KSR2: variants seen among roughly 807,000 people sequenced by gnomAD.
The protein encoded by KSR2 is kinase suppressor of ras 2.
In KSR2, 25 loss-of-function variants were observed where a neutral mutation model predicts 107.8. That is an observed-to-expected ratio of 0.23 (90% CI 0.17 to 0.32). KSR2 has a LOEUF of 0.32. KSR2 is among the 10% of genes least tolerant of loss of function. The pLI, the probability that KSR2 is intolerant of heterozygous loss-of-function variation, is 1.00. For synonymous variants in KSR2, 480 were observed against 507.0 expected, an observed-to-expected ratio of 0.95 and a Z score of 0.71; for missense variants, 887 against 1,268.9, an observed-to-expected ratio of 0.70 and a Z score of 4.57.
At chr12:117,643,561 AGTTT>A in intron 5 of KSR2, among the ~76,000 whole-genome samples, 2 of 152,340 alleles carry the variant, frequency 1.3e-5, no homozygotes, top group South Asian at 4.1e-4. Context: ...TTAAACTAAA[AGTTT>A]GTTTATTAAG....
intron 17 of KSR2, among the ~76,000 whole-genome samples, chr12:117,475,828 G>A (rs1871742327): frequency 6.6e-6 from 1 of 152,182 alleles, no homozygotes. Flanking sequence ...TCTGAGACTA[G>A]ATCATAAATG....
intron 3 of KSR2, among the ~76,000 whole-genome samples, chr12:117,825,624 G>A (rs926899796): frequency 2.0e-5 from 3 of 152,036 alleles, no homozygotes; most frequent in Non-Finnish European, 4.4e-5. Context: ...TTTCTTCACA[G>A]TATTTGTCAG....
At chr12:117,958,576 T>C (rs1896577470) in intron 1 of KSR2, among the ~76,000 whole-genome samples, 1 of 152,040 alleles carries the variant, frequency 6.6e-6, no homozygotes, top group African/African-American at 2.4e-5. Context: ...ATCCCAGCAA[T>C]TTGGGAGGCC....
chr12:117,667,481 G>A lies in KSR2; in HGVS notation c.1164C>T (p.Phe388=). Residue 388 remains phenylalanine (F), a synonymous_variant, in exon 5 of 20, where the codon TTC becomes TTT. Coordinates refer to ENST00000339824, the MANE Select transcript of KSR2 (RefSeq NM_173598.6). ...STPPVHTEAN[F]SANTLSVPRW... is the part of the protein sequence containing the mutation. ...CCCGGCAGGGTGACTTACTTGCAGAGAAGTTGGCCTCAGTGTGAACAGGAG... is the reference window on the plus strand; with the variant it reads ...CCCGGCAGGGTGACTTACTTGCAGAAAAGTTGGCCTCAGTGTGAACAGGAG... The A allele has an allele frequency of 3.1e-6, 5 of 1,610,628 alleles. No individual in the cohort carries two copies. The highest frequency in any genetic ancestry group is 4.2e-6 in the Non-Finnish European group (5 of 1,178,812).
At chr12:117,576,089 A>G (rs2136228190) in intron 7 of KSR2, among the ~76,000 whole-genome samples, 1 of 152,100 alleles carries the variant, frequency 6.6e-6, no homozygotes, top group South Asian at 2.1e-4. Context: ...GGCTTTGCTC[A>G]TGACTTTTAG....
At chr12:117,874,822 A>G (rs542264049) in intron 1 of KSR2, among the ~76,000 whole-genome samples, 11 of 152,200 alleles carry the variant, frequency 7.2e-5, no homozygotes, top group Middle Eastern at 6.8e-3. Flanking sequence ...AGAAGAAGAA[A>G]AAAAAAAACC....
chr12:117,890,811 T>C (rs139668484), intron 1 of KSR2: 15 of 152,316 alleles, frequency 9.8e-5, no homozygotes, highest in African/African-American at 3.6e-4. Flanking sequence ...GGAAATAACA[T>C]TAGACTGGGA....
intron 7 of KSR2, among the ~76,000 whole-genome samples, chr12:117,570,658 C>T (rs981456582): frequency 1.2e-4 from 18 of 152,212 alleles, no homozygotes; most frequent in African/African-American, 2.9e-4. Context: ...GGTTTTGCAA[C>T]GAAATAAATG....
chr12:117,924,968 A>G (rs1432561734), intron 1 of KSR2, among the ~76,000 whole-genome samples: 1 of 152,186 alleles, frequency 6.6e-6, no homozygotes, highest in Non-Finnish European at 1.5e-5. Context: ...ATACTGAAGT[A>G]TTTACAGATA....
rs777501990 is a variant in KSR2, at chr12:117,484,401, C to T, written c.2450+15G>A. 53 of 1,613,466 alleles carry T rather than the reference C, an allele frequency of 3.3e-5. No homozygotes were observed. The highest frequency in any genetic ancestry group is 1.6e-4 in the African/African-American group (12 of 74,948). On this transcript the variant is annotated intron_variant, in intron 16 of 19. Transcript: ENST00000339824. ...TCTGTCAGGAAACTCTCCGGGTCTTCCCACTGCCTCTCACCTGCCAGCCTG... is the reference window on the plus strand; with the variant it reads ...TCTGTCAGGAAACTCTCCGGGTCTTTCCACTGCCTCTCACCTGCCAGCCTG...
chr12:117,509,273 T>A (rs1408304281), intron 14 of KSR2, among the ~76,000 whole-genome samples: 1 of 152,086 alleles, frequency 6.6e-6, no homozygotes, highest in Non-Finnish European at 1.5e-5. Context: ...CCTCCTTCCA[T>A]CCCCTTCCCT....
intron 4 of KSR2, among the ~76,000 whole-genome samples, chr12:117,731,768 G>A (rs1011303777): frequency 8.6e-5 from 13 of 151,766 alleles, no homozygotes; most frequent in South Asian, 4.2e-4. Flanking sequence ...CATGTGCTGT[G>A]TCCACTCAGG....
chr12:117,472,828 G>A (rs567764191), intron 17 of KSR2, among the ~76,000 whole-genome samples: 3 of 152,250 alleles, frequency 2.0e-5, no homozygotes, highest in South Asian at 4.1e-4. Flanking sequence ...TTTGTGGAGG[G>A]AGGTCTATTC....
At chr12:117,472,291 A>AGAGAG (rs1482603233) in intron 17 of KSR2, among the ~76,000 whole-genome samples, 3 of 152,180 alleles carry the variant, frequency 2.0e-5, no homozygotes, top group African/African-American at 7.2e-5. Flanking sequence ...TAATTAATGG[A>AGAGAG]GAGAGGATTG....
chr12:117,524,894 A>G lies in KSR2; in HGVS notation c.2177T>C (p.Met726Thr), dbSNP rs1387525329. The G allele has an allele frequency of 1.2e-6, 2 of 1,613,410 alleles. No homozygotes were observed. The highest frequency in any genetic ancestry group is 8.5e-7 in the Non-Finnish European group (1 of 1,179,680). Residue 726 changes from methionine to threonine, a missense_variant, in exon 14 of 20, where the codon ATG (methionine) becomes ACG (threonine). Physicochemically the swap from Met to Thr is moderately conservative, Grantham distance 81. Coordinates refer to ENST00000339824, the MANE Select transcript of KSR2 (RefSeq NM_173598.6). ...QTRHENVVLFMGACMSPPHLA... is the reference protein window; with the variant it reads ...QTRHENVVLFTGACMSPPHLA... ...GTGAGGCGGGCTCATGCAGGCACCC[A>G]TGAAAAGCACCACGTTCTCATGCCG... is the stretch of plus-strand genomic sequence containing the variant.
At chr12:117,525,325 T>G in intron 13 of KSR2, 106 bp from the exon 14 acceptor site, 10 of 1,274,362 alleles carry the variant, frequency 7.8e-6, no homozygotes, top group Non-Finnish European at 9.5e-6. Context: ...GGCACATCTC[T>G]ACATGCATTT....
At chr12:117,632,072 A>T (rs1370070367) in intron 5 of KSR2, among the ~76,000 whole-genome samples, 1 of 152,134 alleles carries the variant, frequency 6.6e-6, no homozygotes, top group East Asian at 1.9e-4. Context: ...TTTTGGCTAG[A>T]ATTATTAATA....
In KSR2 at chr12:117,480,670, G is replaced by A. The variant is rs1182766206; in HGVS notation, c.2450+3746C>T. Among the ~76,000 whole-genome samples the A allele has an allele frequency of 7.0e-4, 106 of 152,188 alleles. 2 individuals carry two copies. The highest frequency in any genetic ancestry group is 6.9e-3 in the Admixed American group (105 of 15,288). ...CAAGCTCTAACTGAGGGGAGGGCAG[G>A]AAGGCAAGTGACTCCTGCTGAGTGC... On this transcript the variant is annotated intron_variant, in intron 16 of 19. Coordinates refer to ENST00000339824, the MANE Select transcript of KSR2 (RefSeq NM_173598.6).
chr12:117,736,627 T>C (rs1887950069), intron 4 of KSR2, among the ~76,000 whole-genome samples: 1 of 151,918 alleles, frequency 6.6e-6, no homozygotes, highest in South Asian at 2.1e-4. Context: ...CTGGGCAACG[T>C]GGCGAAACCC....
Sources: gnomAD v4.1 joint callset for allele counts (sites outside exome capture counted in the v4.1 genomes callset) on GRCh38, gnomAD v4.1.1 for gene constraint, MANE v1.5 for transcripts, NCBI Gene and HGNC (gene_info 2026-07-23, HGNC 2026-07-21) for gene names.